The following CR1 variants were observed in gnomAD, a reference collection of about 807,000 sequenced individuals.
The protein encoded by CR1 is complement C3b/C4b receptor 1 (Knops blood group), also known as complement receptor type 1.
A neutral mutation model predicts 187.3 loss-of-function variants in CR1; 116 were observed. The observed-to-expected ratio is 0.62, with a 90% CI of 0.53 to 0.72. The LOEUF (loss-of-function observed/expected upper bound fraction) is 0.72, where lower values mean the gene tolerates loss of function less well. CR1 is among the 30% of genes least tolerant of loss of function. The probability of loss-of-function intolerance (pLI) is 0.00; values close to 1 mark genes in which losing one functional copy is unlikely to be tolerated. For synonymous variants in CR1, 576 were observed against 747.1 expected (o/e 0.77, Z 3.73); for missense variants, 1,731 against 2,110.7 (o/e 0.82, Z 3.52).
At chr1:207,580,664 CTT>C in intron 31 of CR1, 51 bp downstream of exon 31, 1 of 1,501,616 alleles carries the variant, frequency 6.7e-7, no homozygotes, top group Non-Finnish European at 9.2e-7. Context: ...CAGAGTGACT[CTT>C]GAGCTTAAGG....
rs145236510 is a variant in CR1, at chr1:207,607,251, G to T, written c.5811G>T (p.Gly1937=). The part of the protein sequence containing the change: ...GSTVNYSCNE[G]FRLIGSPSTT... ...AACCATTTTCTATCCTTTGCTTTAGGTTTCGACTCATTGGTTCCCCATCTA... is the reference window on the plus strand; with the variant it reads ...AACCATTTTCTATCCTTTGCTTTAGTTTTCGACTCATTGGTTCCCCATCTA... The change falls in exon 36 of 47, where the codon GGG becomes GGT. Residue 1937 remains glycine, a splice_region_variant and synonymous_variant. Coordinates refer to ENST00000367049, the MANE Select transcript of CR1 (RefSeq NM_000651.6). 8.7e-5 allele frequency: 140 copies of T among 1,612,302 alleles called. 1 individual carries two copies. In the East Asian group the frequency reaches 3.1e-3, roughly 36 times the overall value.
At chr1:207,617,604 TATATATATAG>T (rs1209155842) in intron 41 of CR1, among the ~76,000 whole-genome samples, 6 of 22,076 alleles carry the variant, frequency 2.7e-4, no homozygotes, top group African/African-American at 6.1e-4. Context: ...TATATATATA[TATATATATAG>T]AGAGAGAGAG....
chr1:207,506,866 G>A (rs750358721), intron 3 of CR1, 53 bp downstream of exon 3: 2 of 1,406,504 alleles, frequency 1.4e-6, no homozygotes, highest in South Asian at 1.2e-5. Flanking sequence ...TTCTAACACA[G>A]CCTTACTACC....
At chr1:207,583,405 T>C (rs1485482314) in intron 32 of CR1, among the ~76,000 whole-genome samples, 2 of 152,108 alleles carry the variant, frequency 1.3e-5, no homozygotes, top group Admixed American at 6.5e-5. Flanking sequence ...CTGTAACAGA[T>C]CATAGACAAT....
chr1:207,617,037 A>C (rs1361906934), intron 41 of CR1, among the ~76,000 whole-genome samples: 1 of 152,072 alleles, frequency 6.6e-6, no homozygotes, highest in Non-Finnish European at 1.5e-5. Context: ...TAAGGAGAGA[A>C]GGGGGTGGAC....
chr1:207,544,736 G>A (rs1238223335), intron 13 of CR1, among the ~76,000 whole-genome samples: 1 of 148,298 alleles, frequency 6.7e-6, no homozygotes, highest in South Asian at 2.1e-4. Flanking sequence ...GCAGCACCTT[G>A]CTACATAGCA....
chr1:207,507,120 G>A (rs192569347), intron 3 of CR1: 20 of 237,758 alleles, frequency 8.4e-5, no homozygotes, highest in African/African-American at 4.6e-4. Flanking sequence ...ACGCAGAGGG[G>A]ACATTGCTGG....
chr1:207,587,124 C>G (rs1323848225), intron 33 of CR1, among the ~76,000 whole-genome samples: 1 of 152,190 alleles, frequency 6.6e-6, no homozygotes, highest in African/African-American at 2.4e-5. Context: ...TGTGAAACTA[C>G]AAGCTGAAGT....
intron 45 of CR1, among the ~76,000 whole-genome samples, chr1:207,624,889 G>T (rs571343377): frequency 6.6e-6 from 1 of 152,228 alleles, no homozygotes; most frequent in South Asian, 2.1e-4. Context: ...ATCTATATCA[G>T]TCTCTAGTTA....
intron 27 of CR1, among the ~76,000 whole-genome samples, chr1:207,572,444 T>C (rs1045064787): frequency 6.6e-6 from 1 of 151,886 alleles, no homozygotes; most frequent in Non-Finnish European, 1.5e-5. Flanking sequence ...TTACAAATTA[T>C]TGAAGGTCAG....
At chr1:207,565,325 C>T (rs1435044157) in intron 23 of CR1, among the ~76,000 whole-genome samples, 1 of 150,364 alleles carries the variant, frequency 6.7e-6, no homozygotes, top group Non-Finnish European at 1.5e-5. Flanking sequence ...TTCATGCTTA[C>T]TCTTCAGCAG....
intron 1 of CR1, 74 bp downstream of exon 1, chr1:207,496,462 A>C (rs941148190): frequency 1.4e-5 from 20 of 1,461,212 alleles, no homozygotes; most frequent in South Asian, 5.0e-5. Flanking sequence ...ACTCGCGTGC[A>C]GCGCTGAGCT....
In CR1 at chr1:207,587,512, C is replaced by A; in HGVS notation, c.5657C>A (p.Ser1886Tyr). Residue 1886 changes from serine to tyrosine, a missense_variant, in exon 34 of 47, where the codon TCT becomes TAT. Coordinates refer to ENST00000367049, the MANE Select transcript of CR1 (RefSeq NM_000651.6). Reference sequence around the variant, plus strand: ...CCTGGGTATTTTGGGAAAATGTTCTCTATCTCCTGCCTAGAAAACTTGGTC... The same window carrying A: ...CCTGGGTATTTTGGGAAAATGTTCTATATCTCCTGCCTAGAAAACTTGGTC... ...CRPGYFGKMFSISCLENLVWS... is the reference protein window; with the variant it reads ...CRPGYFGKMFYISCLENLVWS... The A allele has an allele frequency of 6.2e-7, 1 of 1,613,994 alleles. No homozygotes were observed. The highest frequency in any genetic ancestry group is 1.1e-5 in the South Asian group (1 of 91,084).
In CR1 at chr1:207,611,845, G is replaced by C. The variant is rs1229306455; in HGVS notation, c.6464G>C (p.Arg2155Thr). 1 of 1,613,866 alleles carries C rather than the reference G, an allele frequency of 6.2e-7. No individual in the cohort carries two copies. The highest frequency in any genetic ancestry group is 8.5e-7 in the Non-Finnish European group (1 of 1,179,884). Residue 2155 changes from arginine to threonine, a missense_variant, in exon 38 of 47, where the codon AGA becomes ACA. Arg to Thr is a moderately conservative substitution (Grantham distance 71). This residue lies in a region of CR1 where 1,312 missense variants were observed against 1,379.6 expected (regional missense o/e 0.95). Transcript: ENST00000367049. Reference sequence around the variant, plus strand: ...GGAGACTGGAGCCCTGAAGCCCCTAGATGTACAGGTGCCTTGACTCTCTGG... The same window carrying C: ...GGAGACTGGAGCCCTGAAGCCCCTACATGTACAGGTGCCTTGACTCTCTGG... ...PQGDWSPEAP[R>T]CTVKSCDDFL...
At chr1:207,519,613 T>G (rs1465527794) in intron 4 of CR1, among the ~76,000 whole-genome samples, 1 of 152,220 alleles carries the variant, frequency 6.6e-6, no homozygotes, top group Non-Finnish European at 1.5e-5. Flanking sequence ...CTTTTTGTAT[T>G]GTTGCCATAC....
At chr1:207,616,431 C>T in intron 40 of CR1, 144 bp from the exon 41 acceptor site, 1 of 1,062,260 alleles carries the variant, frequency 9.4e-7, no homozygotes, top group Non-Finnish European at 1.3e-6. Context: ...TCAACAAAAG[C>T]CTTACAGATT....
intron 35 of CR1, chr1:207,605,769 C>G (rs530117130): frequency 1.3e-5 from 2 of 152,188 alleles, no homozygotes; most frequent in Middle Eastern, 6.8e-3. Flanking sequence ...TTAATTGCAG[C>G]AATTTTTAAG....
Position 207,525,361 on chromosome 1 carries a change from A to G in CR1, c.886+1352A>G, listed in dbSNP as rs1660135882. Among the ~76,000 whole-genome samples the G allele has an allele frequency of 2.0e-5, 3 of 151,922 alleles. 1 individual carries two copies. The highest frequency in any genetic ancestry group is 7.3e-5 in the African/African-American group (3 of 41,180). ...AGATCAGGGAGCTGCTGTGGCTCCC[A>G]GTCTACAGCACAGGAGCCTGGAGTG... is the stretch of plus-strand genomic sequence containing the variant. On this transcript the variant is annotated intron_variant, in intron 5 of 46. Transcript: ENST00000367049.
At chr1:207,611,088 C>T (rs549814744) in intron 37 of CR1, among the ~76,000 whole-genome samples, 11 of 152,066 alleles carry the variant, frequency 7.2e-5, no homozygotes, top group African/African-American at 2.7e-4. Context: ...CTACCCTCAC[C>T]CCCTATCCCC....
Sources: allele counts gnomAD v4.1 joint callset (sites outside exome capture counted in the v4.1 genomes callset), GRCh38; gene constraint gnomAD v4.1.1; regional missense constraint gnomAD v4.1.1; transcripts MANE v1.5; gene names NCBI Gene and HGNC (gene_info 2026-07-23, HGNC 2026-07-21).